PCLO: variants seen among roughly 807,000 people sequenced by gnomAD.
PCLO encodes the protein piccolo presynaptic cytomatrix protein.
PCLO carries 82 observed loss-of-function variants against 427.5 expected under a neutral mutation model. The observed-to-expected ratio is 0.19, with a 90% CI of 0.16 to 0.23. The LOEUF is 0.23. Ranked by LOEUF, PCLO falls within the 10% of genes least tolerant of loss-of-function variation. The probability of loss-of-function intolerance (pLI) is 1.00; values close to 1 mark genes in which losing one functional copy is unlikely to be tolerated. For synonymous variants in PCLO, 2,357 were observed against 2,155.4 expected (o/e 1.09, Z -2.59); for missense variants, 6,239 against 6,115.9 (o/e 1.02, Z -0.67).
At chr7:83,019,613 C>T (rs1788293000) in intron 3 of PCLO, among the ~76,000 whole-genome samples, 1 of 151,854 alleles carries the variant, frequency 6.6e-6, no homozygotes, top group Admixed American at 6.6e-5. Context: ...GCTAAATCAG[C>T]CATATAAAAT....
At chr7:82,866,781 T>C (rs551168982) in intron 10 of PCLO, among the ~76,000 whole-genome samples, 2 of 152,246 alleles carry the variant, frequency 1.3e-5, no homozygotes, top group South Asian at 4.1e-4. Flanking sequence ...CTTATCATTG[T>C]ATCTGGAATA....
intron 20 of PCLO, among the ~76,000 whole-genome samples, chr7:82,819,168 G>A (rs1791738385): frequency 2.0e-5 from 3 of 151,888 alleles, no homozygotes; most frequent in African/African-American, 7.3e-5. Context: ...TAGAAAACAA[G>A]GCTTTTTAAT....
At chr7:83,037,989 T>TTATATATATATATATATATATATATA (rs1161030427) in intron 3 of PCLO, among the ~76,000 whole-genome samples, 2 of 13,596 alleles carry the variant, frequency 1.5e-4, no homozygotes, top group Non-Finnish European at 2.5e-4. Context: ...AAGGAGGAGC[T>TTATATATATATATATATATATATATA]TATATATATA....
intron 8 of PCLO, among the ~76,000 whole-genome samples, chr7:82,903,762 A>T (rs1794116670): frequency 6.6e-6 from 1 of 151,942 alleles, no homozygotes; most frequent in Admixed American, 6.6e-5. Context: ...ATTTCATATT[A>T]CCTATTTTAG....
At chr7:83,069,432 C>T (rs1789750247) in intron 3 of PCLO, among the ~76,000 whole-genome samples, 1 of 152,102 alleles carries the variant, frequency 6.6e-6, no homozygotes, top group Admixed American at 6.5e-5. Flanking sequence ...ATACAAATAT[C>T]AAATCATCAT....
chr7:82,840,019 C>G (rs1792328099), intron 14 of PCLO, among the ~76,000 whole-genome samples: 2 of 151,666 alleles, frequency 1.3e-5, no homozygotes, highest in South Asian at 4.2e-4. Flanking sequence ...TAAGGGAAAG[C>G]AAAATAAAAT....
intron 9 of PCLO, among the ~76,000 whole-genome samples, chr7:82,891,458 A>G (rs1793763390): frequency 1.3e-5 from 2 of 152,080 alleles, no homozygotes; most frequent in South Asian, 4.1e-4. Context: ...GGTTTTCTAG[A>G]TATACAACCA....
chr7:83,068,322 T>G (rs1031033557), intron 3 of PCLO, among the ~76,000 whole-genome samples: 3 of 152,156 alleles, frequency 2.0e-5, no homozygotes, highest in Non-Finnish European at 4.4e-5. Context: ...ATGTTTATTC[T>G]TTAATAATTA....
Position 82,758,617 on chromosome 7 carries a change from G to A in PCLO, c.15387C>T (p.Val5129=). ...GACTGACCAAAAGTTTGTGCCAGTTGACTATTCTTTTTCTGAGATCCACTT... is the reference window on the plus strand; with the variant it reads ...GACTGACCAAAAGTTTGTGCCAGTTAACTATTCTTTTTCTGAGATCCACTT... ...LDKVDLRKRI[V]NWHKLLVSPT... The change falls in exon 25 of 25, where the codon GTC becomes GTT. Residue 5129 remains valine, a synonymous_variant. Transcript: ENST00000333891. 1 of 1,611,876 alleles carries A rather than the reference G, an allele frequency of 6.2e-7. No individual in the cohort carries two copies. The highest frequency in any genetic ancestry group is 1.1e-5 in the South Asian group (1 of 91,008).
intron 3 of PCLO, among the ~76,000 whole-genome samples, chr7:83,056,777 G>A (rs528533595): frequency 1.3e-5 from 2 of 152,148 alleles, no homozygotes; most frequent in South Asian, 4.1e-4. Context: ...ATGTTAAGGT[G>A]AGCAAAAAGA....
intron 3 of PCLO, among the ~76,000 whole-genome samples, chr7:83,090,464 T>A (rs1436770188): frequency 6.6e-6 from 1 of 152,188 alleles, no homozygotes; most frequent in Admixed American, 6.5e-5. Flanking sequence ...ACAATAAACA[T>A]TCTTCATTCA....
chr7:83,052,240 T>C (rs1009998360), intron 3 of PCLO, among the ~76,000 whole-genome samples: 8 of 151,926 alleles, frequency 5.3e-5, no homozygotes, highest in African/African-American at 1.7e-4. Flanking sequence ...AGAGGAAATA[T>C]GGCCAGGGAG....
chr7:83,097,292 G>A (rs898462466), intron 3 of PCLO, among the ~76,000 whole-genome samples: 13 of 141,724 alleles, frequency 9.2e-5, no homozygotes, highest in Non-Finnish European at 1.7e-4. Context: ...GGAGGCTGAG[G>A]TGGGCGGATC....
At chr7:82,820,716 C>A (rs1791771065) in intron 20 of PCLO, 1 of 1,231,060 alleles carries the variant, frequency 8.1e-7, no homozygotes, top group African/African-American at 1.6e-5. Context: ...AAATAATAGG[C>A]AAAAAACACT....
At chr7:83,064,043 A>G (rs1381482333) in intron 3 of PCLO, among the ~76,000 whole-genome samples, 1 of 152,068 alleles carries the variant, frequency 6.6e-6, no homozygotes, top group Non-Finnish European at 1.5e-5. Flanking sequence ...GCAAGCTCCT[A>G]CAATGAGAAT....
At chr7:83,112,899 C>T (rs987379811) in intron 3 of PCLO, among the ~76,000 whole-genome samples, 2 of 152,094 alleles carry the variant, frequency 1.3e-5, no homozygotes, top group African/African-American at 4.8e-5. Flanking sequence ...CTTTCAAGCC[C>T]GGAGTAAAGA....
chr7:83,087,346 G>A (rs1790263516), intron 3 of PCLO, among the ~76,000 whole-genome samples: 1 of 151,826 alleles, frequency 6.6e-6, no homozygotes. Context: ...CTGCATATGG[G>A]TACAACGTAC....
rs368680988 is a variant in PCLO at position 82,904,295 on chromosome 7, CTCAG to C, written c.13438-1558_13438-1555del. Among the ~76,000 whole-genome samples the C allele has an allele frequency of 2.9e-3, 439 of 151,876 alleles. 1 individual carries two copies. Among genetic ancestry groups the C allele is most frequent in the African/African-American group, 0.01 (430 of 41,508 alleles). ...CTGTCTCTATCTCTTTTGTCTGTCT[CTCAG>C]TCAGCCTCTCACTCTTTCCTTTCTC... On this transcript the variant is annotated intron_variant, in intron 8 of 24. Transcript: ENST00000333891.
chr7:82,910,575 T>A (rs938852868), intron 7 of PCLO, among the ~76,000 whole-genome samples: 1 of 152,148 alleles, frequency 6.6e-6, no homozygotes, highest in Non-Finnish European at 1.5e-5. Flanking sequence ...CTTCCCTCAA[T>A]ACTAAAATCA....
Sources: gnomAD v4.1 joint callset for allele counts (sites outside exome capture counted in the v4.1 genomes callset) on GRCh38, gnomAD v4.1.1 for gene constraint, MANE v1.5 for transcripts, NCBI Gene and HGNC (gene_info 2026-07-23, HGNC 2026-07-21) for gene names.